Variants in TANC2 observed in about 807,000 individuals in gnomAD.
TANC2 encodes the protein tetratricopeptide repeat, ankyrin repeat and coiled-coil containing 2.
TANC2 carries 26 observed loss-of-function variants against 210.5 expected under a neutral mutation model. The ratio of observed to expected loss-of-function variants is 0.12; its 90% confidence interval spans 0.09 to 0.17. TANC2 has a LOEUF of 0.17. TANC2 is among the 10% of genes least tolerant of loss of function. The pLI, the probability that TANC2 is intolerant of heterozygous loss-of-function variation, is 1.00. For synonymous variants in TANC2, 931 were observed against 967.1 expected (o/e 0.96, Z 0.69); for missense variants, 2,129 against 2,608.9 (o/e 0.82, Z 4.01).
At chr17:63,106,232 T>C (rs2037818051) in intron 4 of TANC2, among the ~76,000 whole-genome samples, 1 of 151,634 alleles carries the variant, frequency 6.6e-6, no homozygotes, top group African/African-American at 2.4e-5. Context: ...TTCAATATAA[T>C]AATTTCAATT....
At chr17:62,969,129 G>A (rs1312649195) in intron 1 of TANC2, among the ~76,000 whole-genome samples, 1 of 152,012 alleles carries the variant, frequency 6.6e-6, no homozygotes, top group Non-Finnish European at 1.5e-5. Context: ...AGCCCATGTT[G>A]TTCAAGGGCC....
At chr17:63,411,968 C>T (rs779549302) in intron 22 of TANC2, 30 bp from the exon 23 acceptor site, 1 of 1,613,056 alleles carries the variant, frequency 6.2e-7, no homozygotes, top group South Asian at 1.1e-5. Context: ...TTACGCCTGT[C>T]CTAACTTCTC....
chr17:63,160,334 G>T (rs985865812), intron 5 of TANC2, among the ~76,000 whole-genome samples: 1 of 152,128 alleles, frequency 6.6e-6, no homozygotes, highest in Non-Finnish European at 1.5e-5. Context: ...GAGGCCAGGA[G>T]TTCAAGGCTA....
chr17:63,327,477 ATTCT>A (rs2045686814), intron 11 of TANC2, among the ~76,000 whole-genome samples: 1 of 152,218 alleles, frequency 6.6e-6, no homozygotes, highest in Admixed American at 6.5e-5. Context: ...AGCTGAATGG[ATTCT>A]TTAAGTGTGT....
chr17:63,155,801 C>T (rs2039815510), intron 5 of TANC2, among the ~76,000 whole-genome samples: 1 of 152,050 alleles, frequency 6.6e-6, no homozygotes, highest in African/African-American at 2.4e-5. Context: ...ACAGTTAGTG[C>T]ATATTCATAT....
chr17:63,418,425 G>A lies in TANC2; in HGVS notation c.4268+18G>A, dbSNP rs1443740242. 10 of 1,603,086 alleles carry A rather than the reference G, an allele frequency of 6.2e-6. No homozygotes were observed. In the African/African-American group the frequency reaches 1.1e-4, roughly 17 times the overall value. ...AGCAGCAGGTGAGGAGAGAGAGAGA[G>A]GGTGAAAGCAAGAGGTCTCTTTTCT... is the stretch of plus-strand genomic sequence containing the variant. On this transcript the variant is annotated intron_variant, in intron 27 of 27. Coordinates refer to ENST00000689528, the Ensembl canonical transcript of TANC2. The surrounding 1 kb of genome is among the most constrained non-coding windows in gnomAD (Gnocchi z 4.6).
At chr17:63,102,401 C>A (rs1233853623) in intron 4 of TANC2, among the ~76,000 whole-genome samples, 1 of 149,018 alleles carries the variant, frequency 6.7e-6, no homozygotes, top group African/African-American at 2.4e-5. Flanking sequence ...AAGGAGCCTA[C>A]TCTGATTGCA....
Position 62,986,434 on chromosome 17 carries a change from G to C in TANC2, c.-24+19685G>C, listed in dbSNP as rs184224262. Among the ~76,000 whole-genome samples the C allele has an allele frequency of 2.1e-4, 32 of 152,292 alleles. No individual in the cohort carries two copies. The East Asian group carries it at 6.2e-3, about 29-fold the overall frequency. On this transcript the variant is annotated intron_variant, in intron 1 of 27. Coordinates refer to ENST00000689528, the Ensembl canonical transcript of TANC2. ...GGCTGACCTGGGGATGTGTTTGCTG[G>C]GGGTGGCCCATGGGGCTACTTCTCT...
chr17:63,248,459 A>G (rs1331803565), intron 8 of TANC2, among the ~76,000 whole-genome samples: 10 of 152,240 alleles, frequency 6.6e-5, no homozygotes, highest in African/African-American at 1.7e-4. Context: ...TTTAAACTTA[A>G]TTTCTGTGTG....
intron 8 of TANC2, among the ~76,000 whole-genome samples, chr17:63,264,962 A>G (rs1008791117): frequency 6.6e-6 from 1 of 152,198 alleles, no homozygotes; most frequent in African/African-American, 2.4e-5. Context: ...TCGTCTCAAA[A>G]AAAAGGAACT....
At chr17:63,138,800 G>A (rs1169257266) in intron 4 of TANC2, among the ~76,000 whole-genome samples, 2 of 152,186 alleles carry the variant, frequency 1.3e-5, no homozygotes, top group Non-Finnish European at 2.9e-5. Flanking sequence ...ATGACCTCAT[G>A]ATTTACTCTC....
intron 5 of TANC2, among the ~76,000 whole-genome samples, chr17:63,180,273 C>T (rs370013618): frequency 6.6e-6 from 1 of 152,178 alleles, no homozygotes; most frequent in East Asian, 1.9e-4. Context: ...ATGTTTAACA[C>T]TCAATGGGAA....
chr17:63,003,716 T>C (rs968062370), intron 1 of TANC2, among the ~76,000 whole-genome samples: 12 of 152,240 alleles, frequency 7.9e-5, no homozygotes, highest in Non-Finnish European at 1.5e-4. Context: ...GTTATATATG[T>C]TTTGTGAATA....
chr17:63,155,843 T>C (rs935108710), intron 5 of TANC2, among the ~76,000 whole-genome samples: 21 of 152,180 alleles, frequency 1.4e-4, no homozygotes, highest in African/African-American at 5.1e-4. Flanking sequence ...AAAAATTTTT[T>C]TCATTTGGAT....
At chr17:63,017,736 T>A (rs752662968) in intron 2 of TANC2, among the ~76,000 whole-genome samples, 3 of 152,212 alleles carry the variant, frequency 2.0e-5, no homozygotes, top group Non-Finnish European at 4.4e-5. Flanking sequence ...CTATTTCTAG[T>A]GTAAGAAAAA....
chr17:63,346,428 TA>T (rs2046412201), intron 12 of TANC2, among the ~76,000 whole-genome samples: 3 of 152,218 alleles, frequency 2.0e-5, no homozygotes, highest in African/African-American at 7.2e-5. Flanking sequence ...GTTCAGTTTT[TA>T]AATGGACAAG....
intron 19 of TANC2, among the ~76,000 whole-genome samples, chr17:63,399,601 G>C (rs1405452156): frequency 6.6e-6 from 1 of 152,194 alleles, no homozygotes; most frequent in African/African-American, 2.4e-5. Flanking sequence ...CCTTGGATGT[G>C]TTTTTATGAA....
chr17:63,017,283 C>G (rs2034150386), intron 2 of TANC2, among the ~76,000 whole-genome samples: 2 of 152,040 alleles, frequency 1.3e-5, no homozygotes, highest in Admixed American at 6.5e-5. Flanking sequence ...GATGACTAAT[C>G]CCTTATCAGT....
intron 7 of TANC2, among the ~76,000 whole-genome samples, chr17:63,236,264 T>G (rs1206953357): frequency 1.3e-5 from 2 of 152,096 alleles, no homozygotes; most frequent in Non-Finnish European, 2.9e-5. Context: ...CTAATAGACC[T>G]GAGCTGTAGT....
Sources: gnomAD v4.1 joint callset for allele counts (sites outside exome capture counted in the v4.1 genomes callset) on GRCh38, gnomAD v4.1.1 for gene constraint, Gnocchi (gnomAD v3.1) non-coding constraint, MANE v1.5 for transcripts, NCBI Gene and HGNC (gene_info 2026-07-23, HGNC 2026-07-21) for gene names.